The following PLCH1 variants were observed in gnomAD, a reference collection of about 807,000 sequenced individuals.
PLCH1 encodes the protein phospholipase C eta 1.
In PLCH1, 60 loss-of-function variants were observed where a neutral mutation model predicts 126.7. That is an observed-to-expected ratio of 0.47 (90% CI 0.38 to 0.59). The LOEUF (loss-of-function observed/expected upper bound fraction) is 0.59, where lower values mean the gene tolerates loss of function less well. Ranked by LOEUF, PLCH1 falls within the 20% of genes least tolerant of loss-of-function variation. PLCH1 has a pLI of 0.00. For missense variants in PLCH1, 1,723 were observed against 2,040.0 expected, an observed-to-expected ratio of 0.84 and a Z score of 2.99; for synonymous variants, 719 against 734.9, an observed-to-expected ratio of 0.98 and a Z score of 0.35.
In PLCH1 at chr3:155,482,288, T is replaced by G. The variant is rs111633894; in HGVS notation, c.3738A>C (p.Ser1246=). The G allele has an allele frequency of 6.2e-4, 1,008 of 1,614,160 alleles. 7 individuals carry two copies. In the African/African-American group the frequency reaches 0.011, roughly 18 times the overall value. The part of the protein sequence containing the change: ...KGKSKSSFLC[S]SPELIALSSS... ...TCGAGAGTGCTATCAGCTCCGGAGA[T>G]GAGCACAGGAAGGAAGACTTGGATT... Residue 1246 remains serine, a synonymous_variant, in exon 23 of 23, where the codon TCA becomes TCC. Transcript: ENST00000460012.
At chr3:155,628,341 CT>C (rs1157238671) in intron 2 of PLCH1, among the ~76,000 whole-genome samples, 1 of 143,586 alleles carries the variant, frequency 7.0e-6, no homozygotes, top group Non-Finnish European at 1.5e-5. Context: ...CCAAAAGTGC[CT>C]TCCCTATGCC....
intron 6 of PLCH1, among the ~76,000 whole-genome samples, chr3:155,568,754 CTG>C (rs3068946): frequency 6.3e-4 from 93 of 147,196 alleles, no homozygotes; most frequent in African/African-American, 1.6e-3. Flanking sequence ...AAATGTACCT[CTG>C]TGTGTGTGTG....
chr3:155,705,946 C>A (rs1044746593), intron 1 of PLCH1, among the ~76,000 whole-genome samples: 10 of 146,656 alleles, frequency 6.8e-5, no homozygotes, highest in African/African-American at 2.5e-4. Context: ...GAGGCCAAGG[C>A]GGATGGATCA....
intron 10 of PLCH1, among the ~76,000 whole-genome samples, chr3:155,526,445 TTC>T (rs1417818053): frequency 6.9e-6 from 1 of 144,916 alleles, no homozygotes; most frequent in Non-Finnish European, 1.5e-5. Flanking sequence ...CTCTCTCTTT[TTC>T]TCTCTCTCTT....
chr3:155,643,229 A>G (rs1385977393), intron 2 of PLCH1, among the ~76,000 whole-genome samples: 1 of 152,136 alleles, frequency 6.6e-6, no homozygotes, highest in Non-Finnish European at 1.5e-5. Flanking sequence ...GATTACAGAC[A>G]TGAGCCACCA....
At chr3:155,642,220 G>A (rs1739480038) in intron 2 of PLCH1, among the ~76,000 whole-genome samples, 1 of 152,160 alleles carries the variant, frequency 6.6e-6, no homozygotes, top group African/African-American at 2.4e-5. Context: ...CAGCCTGTAA[G>A]TGGTGGAGTA....
In PLCH1 at chr3:155,481,202, T is replaced by G. The variant is rs1713981724; in HGVS notation, c.4824A>C (p.Arg1608Ser). Residue 1608 changes from arginine to serine, a missense_variant, in exon 23 of 23, where the codon AGA becomes AGC. This residue lies in a region of PLCH1 where 947 missense variants were observed against 977.1 expected (regional missense o/e 0.97). Transcript: ENST00000460012. This position sits in a 1 kb window ranked among gnomAD's most constrained non-coding sequence, Gnocchi z 4.2. Reference protein sequence around the residue: ...NPSNGAGVVLRNKPSAPTPAV... With the variant: ...NPSNGAGVVLSNKPSAPTPAV... ...CAGGGGTGGGTGCTGAGGGTTTGTTTCTAAGAACCACTCCTGCCCCATTGC... is the reference window on the plus strand; with the variant it reads ...CAGGGGTGGGTGCTGAGGGTTTGTTGCTAAGAACCACTCCTGCCCCATTGC... 6.2e-7 allele frequency: 1 copy of G among 1,614,106 alleles called. No individual in the cohort carries two copies. The highest frequency in any genetic ancestry group is 1.7e-5 in the Admixed American group (1 of 60,010).
At chr3:155,586,370 A>G (rs80289819) in intron 4 of PLCH1, among the ~76,000 whole-genome samples, 176 bp from the exon 5 acceptor site, 5,041 of 152,294 alleles carry the variant, frequency 0.033, 284 homozygotes, top group African/African-American at 0.11. Flanking sequence ...AATAACAATG[A>G]CAACAACAAA....
At chr3:155,471,452 A>T (rs1368216112) in intron 21 of PLCH1, among the ~76,000 whole-genome samples, 3 of 148,316 alleles carry the variant, frequency 2.0e-5, no homozygotes, top group Non-Finnish European at 4.5e-5. Flanking sequence ...CTACAAAGAG[A>T]CTTAGACTCC....
intron 21 of PLCH1, among the ~76,000 whole-genome samples, chr3:155,451,282 A>T (rs1712302617): frequency 6.6e-6 from 1 of 151,420 alleles, no homozygotes. Context: ...AAAACAGGAT[A>T]TTTACATGGT....
chr3:155,712,785 C>G (rs1368714313), intron 1 of PLCH1, among the ~76,000 whole-genome samples: 1 of 151,294 alleles, frequency 6.6e-6, no homozygotes, highest in African/African-American at 2.4e-5. Context: ...GAAGAAGGGG[C>G]CCTTTTTTTT....
At chr3:155,554,789 T>A (rs1047508251) in intron 8 of PLCH1, among the ~76,000 whole-genome samples, 1 of 152,196 alleles carries the variant, frequency 6.6e-6, no homozygotes, top group Non-Finnish European at 1.5e-5. Context: ...TGAAGACTTG[T>A]TTTCCCCATC....
Position 155,561,405 on chromosome 3 carries a change from T to C in PLCH1, c.1069+3510A>G, listed in dbSNP as rs200571920. On this transcript the variant is annotated intron_variant, in intron 8 of 22. Transcript: ENST00000460012. ...GGAGTTTGGTTTTTTGTTCTTGCGA[T>C]AGTTTCCTGAGAATGATGATTTCCA... Among the ~76,000 whole-genome samples, 5 of 151,804 alleles carry C rather than the reference T, an allele frequency of 3.3e-5. No homozygotes were observed. The East Asian group carries it at 9.7e-4, about 30-fold the overall frequency.
Position 155,648,787 on chromosome 3 carries a change from G to A in PLCH1, c.80-52409C>T, listed in dbSNP as rs117362941. 2.2e-3 allele frequency among the ~76,000 whole-genome samples: 339 copies of A among 152,336 alleles called. 7 individuals carry two copies. In the East Asian group the frequency reaches 0.05, roughly 22 times the overall value. On this transcript the variant is annotated intron_variant, in intron 2 of 22. Coordinates refer to ENST00000460012, the MANE Select transcript of PLCH1 (RefSeq NM_014996.4). The stretch of plus-strand genomic sequence containing the variant: ...AGCAAATGACAGAGGACCTGGCACA[G>A]GCTTGGCTGTCAGAGAAGGCTTCTC...
intron 4 of PLCH1, among the ~76,000 whole-genome samples, chr3:155,588,525 T>A (rs1346071819): frequency 1.3e-5 from 2 of 152,188 alleles, no homozygotes; most frequent in African/African-American, 4.8e-5. Context: ...ATTTTTATCC[T>A]TTTACTCTAT....
chr3:155,547,832 T>A (rs373369811), intron 10 of PLCH1, among the ~76,000 whole-genome samples: 1 of 138,500 alleles, frequency 7.2e-6, no homozygotes, highest in Non-Finnish European at 1.5e-5. Context: ...TAGGTGGGAA[T>A]TGAACAACGA....
Position 155,524,359 on chromosome 3 carries a change from T to A in PLCH1, c.1363-355A>T, listed in dbSNP as rs556807803. 2.6e-5 allele frequency among the ~76,000 whole-genome samples: 4 copies of A among 152,272 alleles called. No homozygotes were observed. In the East Asian group the frequency reaches 7.7e-4, roughly 29 times the overall value. ...GGTATAGAGTTTCAGTTTTACAAGA[T>A]GAAGAGTTTTGGAGATTGGCTGCAC... On this transcript the variant is annotated intron_variant, in intron 10 of 22. Transcript: ENST00000460012.
intron 21 of PLCH1, among the ~76,000 whole-genome samples, chr3:155,472,758 G>A (rs1333586226): frequency 2.7e-5 from 4 of 150,196 alleles, no homozygotes; most frequent in African/African-American, 9.8e-5. Context: ...TCCCTGGGAT[G>A]CAAGGCTGGT....
At chr3:155,456,030 A>G (rs1712434401) in intron 21 of PLCH1, among the ~76,000 whole-genome samples, 1 of 152,218 alleles carries the variant, frequency 6.6e-6, no homozygotes, top group African/African-American at 2.4e-5. Flanking sequence ...AATGTGGGCC[A>G]GTGTTGTCTG....
Sources: gnomAD v4.1 joint callset for allele counts (sites outside exome capture counted in the v4.1 genomes callset) on GRCh38, gnomAD v4.1.1 for gene constraint, gnomAD v4.1.1 regional missense constraint, Gnocchi (gnomAD v3.1) non-coding constraint, MANE v1.5 for transcripts, NCBI Gene and HGNC (gene_info 2026-07-23, HGNC 2026-07-21) for gene names.